RAB3C: variants seen among roughly 807,000 people sequenced by gnomAD.
RAB3C encodes RAB3C, member RAS oncogene family, also known as ras-related protein Rab-3C.
A neutral mutation model predicts 26.4 loss-of-function variants in RAB3C; 17 were observed. The ratio of observed to expected loss-of-function variants is 0.64; its 90% confidence interval spans 0.44 to 0.97. The LOEUF (loss-of-function observed/expected upper bound fraction) is 0.97, where lower values mean the gene tolerates loss of function less well. Among genes scored for constraint, RAB3C ranks in the 50% least tolerant of loss-of-function variants. The pLI is 0.00. For synonymous variants in RAB3C, 91 were observed against 95.9 expected (o/e 0.95, Z 0.30); for missense variants, 242 against 281.9 (o/e 0.86, Z 1.01).
At chr5:58,768,438 G>C (rs954684438) in intron 3 of RAB3C, among the ~76,000 whole-genome samples, 1 of 42,168 alleles carries the variant, frequency 2.4e-5, no homozygotes, top group Admixed American at 2.9e-4. Flanking sequence ...CCACAAACAG[G>C]TGTAGCTGGG....
chr5:58,594,803 A>G (rs1388623573), intron 1 of RAB3C, among the ~76,000 whole-genome samples: 1 of 149,924 alleles, frequency 6.7e-6, no homozygotes, highest in African/African-American at 2.4e-5. Context: ...AAAATGTTTA[A>G]TGATGAAAAC....
intron 3 of RAB3C, chr5:58,794,510 T>C (rs987999882): frequency 6.6e-5 from 10 of 151,440 alleles, no homozygotes; most frequent in African/African-American, 2.2e-4. Context: ...TAACCAGTTA[T>C]GCTTTAAAAA....
intron 3 of RAB3C, among the ~76,000 whole-genome samples, chr5:58,732,641 G>A (rs887738513): frequency 2.0e-5 from 3 of 152,034 alleles, no homozygotes; most frequent in African/African-American, 7.2e-5. Flanking sequence ...ACCACTCAAG[G>A]GAATGAATGG....
At chr5:58,754,638 A>C (rs1741611933) in intron 3 of RAB3C, among the ~76,000 whole-genome samples, 1 of 152,236 alleles carries the variant, frequency 6.6e-6, no homozygotes, top group Admixed American at 6.5e-5. Context: ...ACAAAAACTC[A>C]TACAACTATA....
At chr5:58,644,405 A>G (rs992832068) in intron 2 of RAB3C, 1 of 152,126 alleles carries the variant, frequency 6.6e-6, no homozygotes, top group African/African-American at 2.4e-5. Context: ...TGATGGCATA[A>G]TTTGTGTAAG....
intron 4 of RAB3C, among the ~76,000 whole-genome samples, chr5:58,837,472 G>A (rs1334807878): frequency 2.1e-5 from 3 of 145,736 alleles, no homozygotes; most frequent in South Asian, 2.2e-4. Context: ...ATGAGCCACC[G>A]TGCCCAGCCA....
chr5:58,644,251 A>G (rs1196210744), intron 2 of RAB3C: 1 of 152,250 alleles, frequency 6.6e-6, no homozygotes, highest in Non-Finnish European at 1.5e-5. Context: ...AAGATTAAGA[A>G]TATGGATTCT....
chr5:58,662,690 G>A (rs1025771894), intron 2 of RAB3C, among the ~76,000 whole-genome samples: 6 of 150,122 alleles, frequency 4.0e-5, no homozygotes, highest in Non-Finnish European at 7.4e-5. Context: ...AGACACAGAA[G>A]AGAATATACC....
chr5:58,809,108 T>A (rs1743011940), intron 3 of RAB3C, among the ~76,000 whole-genome samples: 1 of 152,224 alleles, frequency 6.6e-6, no homozygotes, highest in Non-Finnish European at 1.5e-5. Context: ...CAGAGAATGC[T>A]AATATTCAGT....
intron 2 of RAB3C, among the ~76,000 whole-genome samples, chr5:58,725,012 C>T (rs546658512): frequency 1.6e-4 from 24 of 151,798 alleles, no homozygotes; most frequent in South Asian, 1.0e-3. Context: ...TTTGTCTATG[C>T]GCTTAATTTT....
chr5:58,716,329 T>G (rs1230402233), intron 2 of RAB3C, among the ~76,000 whole-genome samples: 2 of 151,938 alleles, frequency 1.3e-5, no homozygotes, highest in Non-Finnish European at 2.9e-5. Context: ...GAACAAAGGT[T>G]CAAAAGCGAG....
chr5:58,783,229 A>T (rs1416299303), intron 3 of RAB3C, among the ~76,000 whole-genome samples: 1 of 152,146 alleles, frequency 6.6e-6, no homozygotes, highest in East Asian at 1.9e-4. Context: ...GCCCCATGAG[A>T]TACTGATCAA....
intron 1 of RAB3C, among the ~76,000 whole-genome samples, chr5:58,591,916 G>A (rs760518084): frequency 4.0e-4 from 43 of 108,006 alleles, no homozygotes; most frequent in East Asian, 7.8e-4. Flanking sequence ...TTTTTTTTTC[G>A]AGATGGAGTT....
intron 3 of RAB3C, among the ~76,000 whole-genome samples, chr5:58,786,851 C>G (rs1742398380): frequency 6.6e-6 from 1 of 152,034 alleles, no homozygotes; most frequent in African/African-American, 2.4e-5. Context: ...CCCGCCAGCC[C>G]CCCGCATAGG....
At chr5:58,805,182 T>C (rs1051773872) in intron 3 of RAB3C, among the ~76,000 whole-genome samples, 1 of 152,082 alleles carries the variant, frequency 6.6e-6, no homozygotes, top group Non-Finnish European at 1.5e-5. Flanking sequence ...CTCCCTATTT[T>C]GAAGAATCTA....
At position 58,709,785 on chromosome 5, in the gene RAB3C, C is replaced by T. The variant is rs149920917; in HGVS notation, c.253-16217C>T. On this transcript the variant is annotated intron_variant, in intron 2 of 4. Transcript: ENST00000282878. ...TCATTGGTGTCTGATCAGAACTGAA[C>T]GGAAAAGAATTACTTTAACAGCAAT... Among the ~76,000 whole-genome samples, 518 of 152,174 alleles carry T rather than the reference C, an allele frequency of 3.4e-3. 1 individual carries two copies. The highest frequency in any genetic ancestry group is 6.3e-3 in the Admixed American group (97 of 15,288).
At chr5:58,601,627 G>A (rs539934257) in intron 1 of RAB3C, among the ~76,000 whole-genome samples, 2 of 152,036 alleles carry the variant, frequency 1.3e-5, no homozygotes, top group East Asian at 1.9e-4. Context: ...TCCAGTTTAC[G>A]TGCATAAAGG....
intron 3 of RAB3C, among the ~76,000 whole-genome samples, chr5:58,794,040 C>T (rs35734784): frequency 0.47 from 72,061 of 151,952 alleles, 19,238 homozygotes; most frequent in South Asian, 0.62. Flanking sequence ...GTGAAGCCTC[C>T]GGTTTGAGAG....
intron 3 of RAB3C, among the ~76,000 whole-genome samples, chr5:58,819,324 G>C (rs1333580016): frequency 6.6e-6 from 1 of 152,156 alleles, no homozygotes; most frequent in Non-Finnish European, 1.5e-5. Flanking sequence ...ATAAATTGTT[G>C]AGTCTGAGTT....
Sources: allele counts gnomAD v4.1 joint callset (sites outside exome capture counted in the v4.1 genomes callset), GRCh38; gene constraint gnomAD v4.1.1; transcripts MANE v1.5; gene names NCBI Gene and HGNC (gene_info 2026-07-23, HGNC 2026-07-21).